The following KCNQ5 variants were observed in gnomAD, a reference collection of about 807,000 sequenced individuals.
KCNQ5 encodes potassium voltage-gated channel subfamily Q member 5.
A neutral mutation model predicts 98.2 loss-of-function variants in KCNQ5; 30 were observed. The ratio of observed to expected loss-of-function variants is 0.31; its 90% CI spans 0.23 to 0.41. The LOEUF is 0.41. Ranked by LOEUF, KCNQ5 falls within the 10% of genes least tolerant of loss-of-function variation. The probability of loss-of-function intolerance (pLI) is 1.00; values close to 1 mark genes in which losing one functional copy is unlikely to be tolerated. For synonymous variants in KCNQ5, 458 were observed against 449.4 expected (o/e 1.02, Z -0.24); for missense variants, 835 against 1,182.5 (o/e 0.71, Z 4.31).
chr6:72,946,137 G>T (rs571282563), intron 1 of KCNQ5, among the ~76,000 whole-genome samples: 4 of 152,244 alleles, frequency 2.6e-5, no homozygotes, highest in Admixed American at 2.6e-4. Flanking sequence ...AGAGAAAACA[G>T]TTCCAAACGG....
In KCNQ5 at chr6:72,901,780, T is replaced by G. The variant is rs553528274; in HGVS notation, c.399-102128T>G. Among the ~76,000 whole-genome samples, 15 of 152,334 alleles carry G rather than the reference T, an allele frequency of 9.8e-5. No individual in the cohort carries two copies. The South Asian group carries it at 1.0e-3, about 11-fold the overall frequency. ...TAGTATAGTTTGAAATCAGGTAATG[T>G]GATGCCTCCAGATTTGTTCTTTTTG... is the stretch of plus-strand genomic sequence containing the variant. On this transcript the variant is annotated intron_variant, in intron 1 of 13. Coordinates refer to ENST00000370398, the MANE Select transcript of KCNQ5 (RefSeq NM_019842.4).
chr6:72,675,678 T>G (rs752713147), intron 1 of KCNQ5, among the ~76,000 whole-genome samples: 25 of 152,218 alleles, frequency 1.6e-4, no homozygotes, highest in Non-Finnish European at 3.2e-4. Context: ...AAGGTATGTG[T>G]GACAGTTTTC....
chr6:72,676,773 GA>G (rs1445773208), intron 1 of KCNQ5, among the ~76,000 whole-genome samples: 1 of 117,746 alleles, frequency 8.5e-6, no homozygotes, highest in Non-Finnish European at 2.0e-5. Flanking sequence ...TTTTTATGTG[GA>G]GTTGAAATCA....
At chr6:72,966,408 A>C (rs201523747) in intron 1 of KCNQ5, among the ~76,000 whole-genome samples, 215 of 151,578 alleles carry the variant, frequency 1.4e-3, no homozygotes, top group Non-Finnish European at 2.0e-3. Context: ...AAAATAACAA[A>C]AAAAAAAAAA....
At chr6:73,028,590 A>G (rs1338516737) in intron 2 of KCNQ5, among the ~76,000 whole-genome samples, 1 of 152,198 alleles carries the variant, frequency 6.6e-6, no homozygotes, top group Non-Finnish European at 1.5e-5. Context: ...CTATCACTTT[A>G]CATCTATTCA....
At chr6:72,859,235 A>C (rs1270089509) in intron 1 of KCNQ5, among the ~76,000 whole-genome samples, 1 of 152,088 alleles carries the variant, frequency 6.6e-6, no homozygotes, top group Non-Finnish European at 1.5e-5. Context: ...ATAATAATAA[A>C]CTTTTCCTTT....
intron 1 of KCNQ5, among the ~76,000 whole-genome samples, chr6:72,709,366 G>A (rs1269854925): frequency 6.6e-6 from 1 of 152,130 alleles, no homozygotes; most frequent in African/African-American, 2.4e-5. Context: ...AAAAATAACA[G>A]TCTGGGGTTA....
chr6:72,790,550 A>C (rs1399191815), intron 1 of KCNQ5, among the ~76,000 whole-genome samples: 1 of 152,212 alleles, frequency 6.6e-6, no homozygotes, highest in Non-Finnish European at 1.5e-5. Context: ...GGGATGGTTA[A>C]TGGGTACAAA....
intron 1 of KCNQ5, among the ~76,000 whole-genome samples, chr6:72,960,961 G>A (rs1024452178): frequency 2.6e-5 from 4 of 152,160 alleles, no homozygotes; most frequent in Non-Finnish European, 5.9e-5. Flanking sequence ...CTGAGGAACA[G>A]CTCATCTCTT....
At chr6:72,722,243 A>G (rs913190302) in intron 1 of KCNQ5, among the ~76,000 whole-genome samples, 1 of 152,194 alleles carries the variant, frequency 6.6e-6, no homozygotes, top group Non-Finnish European at 1.5e-5. Flanking sequence ...AATACAAGGC[A>G]TACTGTCCCT....
rs147377656 is a variant in KCNQ5, at chr6:72,848,728, C to T, written c.399-155180C>T. On this transcript the variant is annotated intron_variant, in intron 1 of 13. Coordinates refer to ENST00000370398, the MANE Select transcript of KCNQ5 (RefSeq NM_019842.4). ...GCCATGTTGTGGGAGGTTATTGAAT[C>T]GTGGGGGCGATTACCCCCATGCTGT... Among the ~76,000 whole-genome samples, 678 of 152,232 alleles carry T rather than the reference C, an allele frequency of 4.5e-3. 1 individual carries two copies. The highest frequency in any genetic ancestry group is 0.01 in the Middle Eastern group (3 of 294).
intron 10 of KCNQ5, among the ~76,000 whole-genome samples, chr6:73,149,793 A>AG (rs1777073834): frequency 8.6e-6 from 1 of 116,162 alleles, no homozygotes; most frequent in African/African-American, 5.5e-5. Flanking sequence ...GGAGACTCCG[A>AG]AAAAAAAAAA....
chr6:72,878,852 G>T (rs1459068812), intron 1 of KCNQ5, among the ~76,000 whole-genome samples: 1 of 151,974 alleles, frequency 6.6e-6, no homozygotes, highest in Non-Finnish European at 1.5e-5. Flanking sequence ...TTTATTAGTT[G>T]CTATATTAAA....
intron 1 of KCNQ5, among the ~76,000 whole-genome samples, chr6:72,907,463 C>T (rs976796912): frequency 6.6e-6 from 1 of 152,106 alleles, no homozygotes; most frequent in Non-Finnish European, 1.5e-5. Context: ...TGCTGTGATA[C>T]AAAGACTTCA....
chr6:73,023,738 G>A (rs1332017365), intron 2 of KCNQ5, among the ~76,000 whole-genome samples: 1 of 152,156 alleles, frequency 6.6e-6, no homozygotes, highest in East Asian at 1.9e-4. Flanking sequence ...CAAAGTCCTG[G>A]TGCTCTGGGA....
At chr6:72,663,889 A>G (rs1486406418) in intron 1 of KCNQ5, among the ~76,000 whole-genome samples, 1 of 152,102 alleles carries the variant, frequency 6.6e-6, no homozygotes, top group African/African-American at 2.4e-5. Flanking sequence ...CTTCAAGTAT[A>G]TTATCTGTAC....
intron 1 of KCNQ5, among the ~76,000 whole-genome samples, chr6:72,700,925 A>G (rs1175427075): frequency 2.0e-5 from 3 of 152,222 alleles, no homozygotes; most frequent in African/African-American, 7.2e-5. Flanking sequence ...AATATTACCT[A>G]GAATCATCAG....
chr6:72,957,170 CTT>C (rs11374806), intron 1 of KCNQ5, among the ~76,000 whole-genome samples: 20 of 125,274 alleles, frequency 1.6e-4, no homozygotes, highest in Admixed American at 5.0e-4. Flanking sequence ...ATGTAGGAAG[CTT>C]TTTTTTTTTT....
At chr6:73,073,169 A>G (rs1773371254) in intron 3 of KCNQ5, among the ~76,000 whole-genome samples, 1 of 152,114 alleles carries the variant, frequency 6.6e-6, no homozygotes, top group Non-Finnish European at 1.5e-5. Context: ...GTGGTATACC[A>G]TAATTCTTAA....
Sources: allele counts gnomAD v4.1 joint callset (sites outside exome capture counted in the v4.1 genomes callset), GRCh38; gene constraint gnomAD v4.1.1; transcripts MANE v1.5; gene names NCBI Gene and HGNC (gene_info 2026-07-23, HGNC 2026-07-21).